Variants in CLIP2 observed in about 807,000 individuals in gnomAD.
The protein encoded by CLIP2 is CAP-Gly domain containing linker protein 2.
In CLIP2, 41 loss-of-function variants were observed where a neutral mutation model predicts 111.7. That is an observed-to-expected ratio of 0.37 (90% CI 0.29 to 0.48). CLIP2 has a LOEUF of 0.48. CLIP2 is among the 20% of genes least tolerant of loss of function. The probability of loss-of-function intolerance (pLI) is 0.99; values close to 1 mark genes in which losing one functional copy is unlikely to be tolerated. For missense variants in CLIP2, 1,160 were observed against 1,422.1 expected, an observed-to-expected ratio of 0.82 and a Z score of 2.96; for synonymous variants, 660 against 644.2, an observed-to-expected ratio of 1.02 and a Z score of -0.37.
In CLIP2 at chr7:74,404,833, T is replaced by C. The variant is rs1481148455; in HGVS notation, c.*985T>C. On this transcript the variant is annotated 3_prime_UTR_variant, in exon 17 of 17. Coordinates refer to ENST00000223398, the MANE Select transcript of CLIP2 (RefSeq NM_003388.5). ...GGGACCACGTGTGCACGCATGACCG[T>C]GTGGGTGGCGGCGTTTGCTGTGAAC... is the stretch of plus-strand genomic sequence containing the variant. 6.6e-6 allele frequency: 1 copy of C among 152,096 alleles called. No homozygotes were observed. Among genetic ancestry groups the C allele is most frequent in the Non-Finnish European group, 1.5e-5 (1 of 68,032 alleles). The allele number at this position is 152,096 out of a possible 1,614,324, so 9.4% of individuals were successfully genotyped here. A position where few individuals can be genotyped will look rare whatever the true frequency, so the allele number is the denominator to read the frequency against.
At chr7:74,340,696 G>A (rs1469583137) in intron 3 of CLIP2, among the ~76,000 whole-genome samples, 1 of 152,178 alleles carries the variant, frequency 6.6e-6, no homozygotes, top group Non-Finnish European at 1.5e-5. Flanking sequence ...CAGCCAGGCT[G>A]TGGTGGCCTT....
intron 11 of CLIP2, among the ~76,000 whole-genome samples, chr7:74,385,687 G>A (rs1562723951): frequency 6.6e-6 from 1 of 151,504 alleles, no homozygotes; most frequent in Non-Finnish European, 1.5e-5. Context: ...TTTCACTTGA[G>A]GGGACTAAGG....
At chr7:74,385,008 G>A (rs1554314555) in intron 11 of CLIP2, among the ~76,000 whole-genome samples, 1 of 151,252 alleles carries the variant, frequency 6.6e-6, no homozygotes, top group Non-Finnish European at 1.5e-5. Context: ...TAGGCGCGGT[G>A]GCTCATGCCT....
At chr7:74,325,052 G>A (rs1789072665) in intron 2 of CLIP2, among the ~76,000 whole-genome samples, 1 of 152,212 alleles carries the variant, frequency 6.6e-6, no homozygotes, top group Non-Finnish European at 1.5e-5. Context: ...TTGTGGGGAG[G>A]GGAGCACGCT....
At chr7:74,362,124 G>GTGGGACCCATCTCCCC (rs1443682909) in intron 7 of CLIP2, among the ~76,000 whole-genome samples, 1 of 151,180 alleles carries the variant, frequency 6.6e-6, no homozygotes, top group East Asian at 1.9e-4. Context: ...AAAGTCACAA[G>GTGGGACCCATCTCCCC]TGGGACCCAT....
At chr7:74,381,485 C>A in intron 11 of CLIP2, 1 of 399,560 alleles carries the variant, frequency 2.5e-6, no homozygotes. Context: ...CCGTGCCTAG[C>A]TGGTTTAAAC....
chr7:74,350,951 AGAAAGGAAG>A (rs1789971373), intron 3 of CLIP2, among the ~76,000 whole-genome samples: 1 of 148,430 alleles, frequency 6.7e-6, no homozygotes, highest in African/African-American at 2.5e-5. Context: ...AGGAAGGGAA[AGAAAGGAAG>A]GAAGGGAAGG....
At chr7:74,357,087 A>G (rs1298287499) in intron 5 of CLIP2, among the ~76,000 whole-genome samples, 193 bp from the exon 6 acceptor site, 5 of 152,166 alleles carry the variant, frequency 3.3e-5, no homozygotes, top group Admixed American at 1.3e-4. Context: ...AATCTCAAAC[A>G]TCAAGATTCC....
At position 74,370,443 on chromosome 7, in the gene CLIP2, G is replaced by A. The variant is rs555436699; in HGVS notation, c.1381-2489G>A. On this transcript the variant is annotated intron_variant, in intron 8 of 16. Coordinates refer to ENST00000223398, the MANE Select transcript of CLIP2 (RefSeq NM_003388.5). Reference sequence around the variant, plus strand: ...TGCACTCCAGCCTGGGCAACAGAGCGAGACTCCGTCTCAAAAAAAAAAAAA... The same window carrying A: ...TGCACTCCAGCCTGGGCAACAGAGCAAGACTCCGTCTCAAAAAAAAAAAAA... 7.4e-5 allele frequency among the ~76,000 whole-genome samples: 11 copies of A among 148,584 alleles called. No homozygotes were observed. The South Asian group carries it at 1.5e-3, about 20-fold the overall frequency.
At chr7:74,300,869 G>C (rs1175796368) in intron 1 of CLIP2, among the ~76,000 whole-genome samples, 1 of 152,114 alleles carries the variant, frequency 6.6e-6, no homozygotes, top group South Asian at 2.1e-4. Flanking sequence ...CTTTGCTCTT[G>C]TGAATTGTGC....
intron 2 of CLIP2, among the ~76,000 whole-genome samples, chr7:74,327,907 C>T (rs782342341): frequency 2.6e-5 from 4 of 152,316 alleles, no homozygotes; most frequent in East Asian, 1.9e-4. Flanking sequence ...CTGGGTTCCC[C>T]GGCCGCCTCT....
At chr7:74,315,600 T>G (rs1788749126) in intron 1 of CLIP2, among the ~76,000 whole-genome samples, 1 of 151,862 alleles carries the variant, frequency 6.6e-6, no homozygotes, top group South Asian at 2.1e-4. Context: ...AGATGGAGCC[T>G]CACTCTGTTG....
chr7:74,403,096 G>C lies in CLIP2; in HGVS notation c.3130-741G>C, dbSNP rs1440021720. The stretch of plus-strand genomic sequence containing the variant: ...CATCTGGGTGTGGTGGCACATGCCT[G>C]TAGTCCCAGCTACTCGGGAGGCTGA... On this transcript the variant is annotated intron_variant, in intron 16 of 16. Coordinates refer to ENST00000223398, the MANE Select transcript of CLIP2 (RefSeq NM_003388.5). Among the ~76,000 whole-genome samples the C allele has an allele frequency of 6.7e-5, 10 of 149,620 alleles. No homozygotes were observed. In the Admixed American group the frequency reaches 6.8e-4, roughly 10 times the overall value.
At chr7:74,371,623 C>T (rs1562715629) in intron 8 of CLIP2, among the ~76,000 whole-genome samples, 1 of 115,738 alleles carries the variant, frequency 8.6e-6, no homozygotes, top group African/African-American at 3.5e-5. Context: ...GGGAGGGAAA[C>T]AGGGAGGGGA....
chr7:74,317,711 TG>T, intron 2 of CLIP2, 44 bp downstream of exon 2: 1 of 1,376,412 alleles, frequency 7.3e-7, no homozygotes. Flanking sequence ...ACTGGCTACA[TG>T]GGATGAGTGT....
intron 1 of CLIP2, among the ~76,000 whole-genome samples, chr7:74,298,969 T>C (rs1788249362): frequency 6.6e-6 from 1 of 152,124 alleles, no homozygotes; most frequent in Non-Finnish European, 1.5e-5. Context: ...TGGGTGGGTG[T>C]CTGTGGCTTT....
At chr7:74,320,454 C>G (rs1235740896) in intron 2 of CLIP2, among the ~76,000 whole-genome samples, 3 of 151,668 alleles carry the variant, frequency 2.0e-5, no homozygotes, top group Admixed American at 6.6e-5. Context: ...CCCAGGAGGT[C>G]GAGGCTGCGG....
rs188923953 is a variant in CLIP2 at position 74,396,938 on chromosome 7, C to T, written c.2721-136C>T. 1,883 of 1,115,474 alleles carry T rather than the reference C, an allele frequency of 1.7e-3. 5 individuals carry two copies. The highest frequency in any genetic ancestry group is 5.6e-3 in the Middle Eastern group (18 of 3,236). 69.1% of individuals were successfully genotyped at this position (1,115,474 alleles called of 1,614,324 possible). On this transcript the variant is annotated intron_variant, in intron 13 of 16. Coordinates refer to ENST00000223398, the MANE Select transcript of CLIP2 (RefSeq NM_003388.5). ...TTGAATTGTGTCTACTGTGGCCCCTCGTGGCACAGATGCCATCTAGTAGCC... is the reference window on the plus strand; with the variant it reads ...TTGAATTGTGTCTACTGTGGCCCCTTGTGGCACAGATGCCATCTAGTAGCC...
At chr7:74,394,242 C>CTTCTTTTTTTTTTTTTTTTTTTTTTT (rs782731877) in intron 13 of CLIP2, among the ~76,000 whole-genome samples, 2 of 119,736 alleles carry the variant, frequency 1.7e-5, no homozygotes, top group African/African-American at 3.1e-5. Context: ...TCTTTTTCTT[C>CTTCTTTTTTTTTTTTTTTTTTTTTTT]TTATTTTTTT....
Sources: gnomAD v4.1 joint callset for allele counts (sites outside exome capture counted in the v4.1 genomes callset) on GRCh38, gnomAD v4.1.1 for gene constraint, MANE v1.5 for transcripts, NCBI Gene and HGNC (gene_info 2026-07-23, HGNC 2026-07-21) for gene names.